The following CEP126 variants were observed in gnomAD, a reference collection of about 807,000 sequenced individuals.
CEP126 encodes the protein centrosomal protein of 126 kDa.
A neutral mutation model predicts 107.8 loss-of-function variants in CEP126; 74 were observed. That is an observed-to-expected ratio of 0.69 (90% CI 0.57 to 0.83). The LOEUF (loss-of-function observed/expected upper bound fraction) is 0.83, where lower values mean the gene tolerates loss of function less well. CEP126 is among the 40% of genes least tolerant of loss of function. The pLI is 0.00. For synonymous variants in CEP126, 449 were observed against 446.0 expected, an observed-to-expected ratio of 1.01 and a Z score of -0.08; for missense variants, 1,237 against 1,281.9, an observed-to-expected ratio of 0.96 and a Z score of 0.53.
chr11:101,984,143 C>T (rs2137129088), intron 8 of CEP126, among the ~76,000 whole-genome samples: 1 of 152,146 alleles, frequency 6.6e-6, no homozygotes, highest in East Asian at 1.9e-4. Context: ...AGAGTAAATA[C>T]ATATAAACAC....
chr11:101,959,395 C>T (rs10791546), intron 5 of CEP126, among the ~76,000 whole-genome samples: 57,709 of 151,818 alleles, frequency 0.38, 11,197 homozygotes, highest in East Asian at 0.51. Context: ...CCCCATGATC[C>T]GCCCGCCTCA....
At chr11:101,923,884 A>C (rs2137079763) in intron 2 of CEP126, among the ~76,000 whole-genome samples, 1 of 152,280 alleles carries the variant, frequency 6.6e-6, no homozygotes, top group South Asian at 2.1e-4. Context: ...CATCTATTTC[A>C]AGGGATTTTG....
chr11:101,987,682 C>T (rs903317371), intron 9 of CEP126, among the ~76,000 whole-genome samples: 1 of 149,698 alleles, frequency 6.7e-6, no homozygotes, highest in East Asian at 2.0e-4. Flanking sequence ...AAAAAAAAGG[C>T]TTGCATTTTT....
At chr11:101,928,456 A>T (rs1026296590) in intron 2 of CEP126, among the ~76,000 whole-genome samples, 3 of 151,874 alleles carry the variant, frequency 2.0e-5, no homozygotes, top group African/African-American at 7.3e-5. Flanking sequence ...GGTTCTGAAG[A>T]TTTTCTCCTG....
intron 8 of CEP126, among the ~76,000 whole-genome samples, chr11:101,983,832 T>C (rs912617969): frequency 6.6e-6 from 1 of 152,226 alleles, no homozygotes; most frequent in African/African-American, 2.4e-5. Context: ...GTAAATTTGC[T>C]ATGATAGGCA....
rs138298363 is a variant in CEP126, at chr11:101,999,002, T to C, written c.*1359T>C. 1 of 152,278 alleles carries C rather than the reference T, an allele frequency of 6.6e-6. No individual in the cohort carries two copies. The highest frequency in any genetic ancestry group is 1.5e-5 in the Non-Finnish European group (1 of 68,010). The allele number at this position is 152,278 out of a possible 1,614,324, so 9.4% of individuals were successfully genotyped here. The stretch of plus-strand genomic sequence containing the variant: ...AAAAACAGGAAAAGAATTCACTTTT[T>C]AAATGAAGAAATTAGTGAAAAAATT... On this transcript the variant is annotated 3_prime_UTR_variant, in exon 11 of 11. Transcript: ENST00000263468.
chr11:101,962,867 A>T lies in CEP126; in HGVS notation c.1832A>T (p.Asp611Val). Residue 611 changes from aspartate to valine, a missense_variant, in exon 6 of 11, where the codon GAT (aspartate) becomes GTT (valine). Physicochemically the swap from Asp to Val is radical, Grantham distance 152. Transcript: ENST00000263468. ...AATCAAAAAGCAGCAGCTATCAGAG[A>T]TAGTATTGAATTAACAAAGGAAAAA... ...FGNQKAAAIR[D>V]SIELTKEKGA... 1.9e-6 allele frequency: 3 copies of T among 1,608,736 alleles called. No individual in the cohort carries two copies. Among genetic ancestry groups the T allele is most frequent in the Non-Finnish European group, 2.5e-6 (3 of 1,178,870 alleles).
At chr11:101,982,311 T>C (rs1466642031) in intron 8 of CEP126, among the ~76,000 whole-genome samples, 2 of 152,214 alleles carry the variant, frequency 1.3e-5, no homozygotes, top group African/African-American at 4.8e-5. Flanking sequence ...GAAATAAGCA[T>C]TGATATGGCT....
intron 6 of CEP126, among the ~76,000 whole-genome samples, chr11:101,977,932 C>T (rs112431389): frequency 4.6e-5 from 7 of 152,206 alleles, no homozygotes; most frequent in East Asian, 1.9e-4. Flanking sequence ...GAGTTTACTT[C>T]ATGCATTACA....
chr11:101,988,950 A>G (rs1304376288), intron 9 of CEP126, among the ~76,000 whole-genome samples: 1 of 152,156 alleles, frequency 6.6e-6, no homozygotes, highest in African/African-American at 2.4e-5. Context: ...AATTGATAGA[A>G]TAGATTTTAA....
intron 9 of CEP126, among the ~76,000 whole-genome samples, chr11:101,989,219 A>T (rs1475231303): frequency 6.6e-6 from 1 of 152,186 alleles, no homozygotes; most frequent in African/African-American, 2.4e-5. Context: ...GAAAAAAAAT[A>T]ATAGGAATTT....
At chr11:101,945,771 G>C (rs1940726429) in intron 3 of CEP126, among the ~76,000 whole-genome samples, 1 of 152,054 alleles carries the variant, frequency 6.6e-6, no homozygotes, top group African/African-American at 2.4e-5. Flanking sequence ...GTTGTAGGCA[G>C]GAAGAAAGAA....
chr11:101,929,974 C>CTTTTTTTTTTTTTTTTTTTTTT (rs60650996), intron 2 of CEP126, among the ~76,000 whole-genome samples: 1 of 118,696 alleles, frequency 8.4e-6, no homozygotes, highest in African/African-American at 3.1e-5. Flanking sequence ...TTAGTTAGGA[C>CTTTTTTTTTTTTTTTTTTTTTT]TTTTTTTTTT....
At chr11:101,963,956 T>G (rs936209179) in intron 6 of CEP126, 76 bp downstream of exon 6, 1 of 921,224 alleles carries the variant, frequency 1.1e-6, no homozygotes, top group Non-Finnish European at 1.7e-6. Context: ...TTCCTATTTA[T>G]GTATGGCCAT....
intron 2 of CEP126, among the ~76,000 whole-genome samples, chr11:101,935,780 G>T (rs1940568645): frequency 6.6e-6 from 1 of 151,958 alleles, no homozygotes; most frequent in South Asian, 2.1e-4. Flanking sequence ...ATTTATTATA[G>T]GGGAACTACC....
chr11:101,957,489 T>C (rs770856522), intron 4 of CEP126, among the ~76,000 whole-genome samples: 2 of 152,202 alleles, frequency 1.3e-5, no homozygotes, highest in African/African-American at 4.8e-5. Context: ...AATGATGTCA[T>C]GCACTGAAAA....
At position 101,989,427 on chromosome 11, in the gene CEP126, TC is replaced by T. The variant is rs1169583377; in HGVS notation, c.3244+2389del. Among the ~76,000 whole-genome samples the T allele has an allele frequency of 9.2e-5, 14 of 152,178 alleles. 1 individual carries two copies. The highest frequency in any genetic ancestry group is 3.1e-4 in the African/African-American group (13 of 41,506). On this transcript the variant is annotated intron_variant, in intron 9 of 10. Transcript: ENST00000263468. ...CTTCCCTATCATGACAATGAAGTGC[TC>T]CCAGACATTACCAAATATCCCCCGG...
intron 9 of CEP126, among the ~76,000 whole-genome samples, chr11:101,988,778 G>GTATATGTA (rs1555059532): frequency 9.4e-5 from 14 of 148,876 alleles, no homozygotes; most frequent in Admixed American, 4.7e-4. Context: ...ATATGTATAT[G>GTATATGTA]TATATATATA....
intron 10 of CEP126, among the ~76,000 whole-genome samples, chr11:101,995,490 G>A (rs1941431728): frequency 6.6e-6 from 1 of 152,070 alleles, no homozygotes; most frequent in Admixed American, 6.5e-5. Flanking sequence ...GGAAGCGAAG[G>A]ATGAGAAACA....
Sources: allele counts gnomAD v4.1 joint callset (sites outside exome capture counted in the v4.1 genomes callset), GRCh38; gene constraint gnomAD v4.1.1; transcripts MANE v1.5; gene names NCBI Gene and HGNC (gene_info 2026-07-23, HGNC 2026-07-21).